RPS6KC1: variants seen among roughly 807,000 people sequenced by gnomAD.
RPS6KC1 encodes the protein inactive ribosomal protein S6 kinase delta-1.
A neutral mutation model predicts 103.8 loss-of-function variants in RPS6KC1; 54 were observed. The ratio of observed to expected loss-of-function variants is 0.52; its 90% CI spans 0.42 to 0.65. RPS6KC1 has a LOEUF of 0.65. Ranked by LOEUF, RPS6KC1 falls within the 30% of genes least tolerant of loss-of-function variation. RPS6KC1 has a pLI of 0.00. For missense variants in RPS6KC1, 1,151 were observed against 1,253.8 expected, an observed-to-expected ratio of 0.92 and a Z score of 1.24; for synonymous variants, 439 against 438.7, an observed-to-expected ratio of 1.00 and a Z score of -0.01.
chr1:213,399,915 G>A, the RPS6KC1 span, among the ~76,000 whole-genome samples: 2 of 152,236 alleles, frequency 1.3e-5, no homozygotes, highest in Admixed American at 1.3e-4. Flanking sequence ...GAGAGCTTTT[G>A]TTGTCACTCA....
intron 8 of RPS6KC1, among the ~76,000 whole-genome samples, chr1:213,206,326 G>A (rs977211893): frequency 8.5e-5 from 13 of 152,186 alleles, no homozygotes; most frequent in Admixed American, 8.5e-4. Context: ...TCTATCTACA[G>A]TGCCCCATTA....
At chr1:213,380,807 C>G in the RPS6KC1 span, among the ~76,000 whole-genome samples, 2 of 152,234 alleles carry the variant, frequency 1.3e-5, no homozygotes, top group South Asian at 2.1e-4. Context: ...TTTCCGCCAT[C>G]CGCAGCTCAC....
chr1:213,656,556 C>G, the RPS6KC1 span, among the ~76,000 whole-genome samples: 2 of 152,120 alleles, frequency 1.3e-5, no homozygotes, highest in African/African-American at 4.8e-5. Flanking sequence ...AAGAGTCAAA[C>G]AGAGACTGAC....
At chr1:213,279,823 C>T in the RPS6KC1 span, among the ~76,000 whole-genome samples, 1 of 152,188 alleles carries the variant, frequency 6.6e-6, no homozygotes, top group South Asian at 2.1e-4. Flanking sequence ...AAGTGATCCC[C>T]AGGTCATCAA....
intron 8 of RPS6KC1, 173 bp downstream of exon 8, chr1:213,176,665 C>A (rs555385551): frequency 4.7e-6 from 2 of 424,074 alleles, no homozygotes; most frequent in East Asian, 3.3e-5. Context: ...CTGAGCAATT[C>A]ATGTAAGGTC....
the RPS6KC1 span, among the ~76,000 whole-genome samples, chr1:213,411,764 C>A: frequency 6.6e-6 from 1 of 152,108 alleles, no homozygotes; most frequent in Non-Finnish European, 1.5e-5. Flanking sequence ...AAAATGGGTG[C>A]ATTTCTACAG....
chr1:213,834,579 ATAAAAT>A, the RPS6KC1 span, among the ~76,000 whole-genome samples: 5 of 152,190 alleles, frequency 3.3e-5, no homozygotes, highest in Non-Finnish European at 5.9e-5. Context: ...ACATTGCAAA[ATAAAAT>A]TAAAATATAT....
the RPS6KC1 span, among the ~76,000 whole-genome samples, chr1:213,592,256 G>A: frequency 6.6e-6 from 1 of 152,138 alleles, no homozygotes; most frequent in Non-Finnish European, 1.5e-5. Flanking sequence ...AGTTTTAGCT[G>A]CTTTTTTTGT....
At chr1:213,498,418 A>AATTTGG in the RPS6KC1 span, among the ~76,000 whole-genome samples, 197 of 152,268 alleles carry the variant, frequency 1.3e-3, no homozygotes, top group African/African-American at 4.4e-3. Context: ...AAAATTAAGC[A>AATTTGG]ATTTGTCCTA....
At chr1:213,412,433 C>T in the RPS6KC1 span, among the ~76,000 whole-genome samples, 1 of 152,212 alleles carries the variant, frequency 6.6e-6, no homozygotes, top group Non-Finnish European at 1.5e-5. Context: ...AGTTCCTGAC[C>T]ACCTTACGTC....
the RPS6KC1 span, among the ~76,000 whole-genome samples, chr1:213,728,922 C>A: frequency 7.5e-6 from 1 of 133,282 alleles, no homozygotes; most frequent in South Asian, 2.5e-4. Context: ...TTTCCTTATT[C>A]CCCAGAACAT....
chr1:213,848,819 T>C, the RPS6KC1 span, among the ~76,000 whole-genome samples: 3 of 152,182 alleles, frequency 2.0e-5, no homozygotes, highest in East Asian at 5.8e-4. Flanking sequence ...TATTTTGGTA[T>C]GAGGGAAGAA....
intron 14 of RPS6KC1, among the ~76,000 whole-genome samples, chr1:213,269,439 A>G (rs1439624181): frequency 1.3e-5 from 2 of 152,248 alleles, no homozygotes; most frequent in African/African-American, 4.8e-5. Context: ...ACTGACATGT[A>G]TAGAACACTT....
chr1:213,361,193 C>G, the RPS6KC1 span, among the ~76,000 whole-genome samples: 19 of 152,210 alleles, frequency 1.2e-4, no homozygotes, highest in Non-Finnish European at 2.6e-4. Context: ...CCTTGAGCTG[C>G]GGTGGGCTCC....
chr1:213,190,111 A>T (rs1012303482), intron 8 of RPS6KC1, among the ~76,000 whole-genome samples: 7 of 152,184 alleles, frequency 4.6e-5, no homozygotes, highest in African/African-American at 1.7e-4. Context: ...GCTGCAGTAA[A>T]CATGGGAGTG....
the RPS6KC1 span, among the ~76,000 whole-genome samples, chr1:213,668,065 C>T: frequency 3.9e-5 from 6 of 152,192 alleles, no homozygotes; most frequent in Non-Finnish European, 8.8e-5. Flanking sequence ...GAATCTACTT[C>T]TTCCAAACTC....
the RPS6KC1 span, among the ~76,000 whole-genome samples, chr1:213,789,968 A>G: frequency 5.9e-5 from 9 of 152,200 alleles, no homozygotes; most frequent in Non-Finnish European, 1.3e-4. Flanking sequence ...GTTTGTAACG[A>G]AAGAGGAACT....
the RPS6KC1 span, among the ~76,000 whole-genome samples, chr1:213,775,141 T>C: frequency 1.3e-5 from 2 of 152,310 alleles, no homozygotes; most frequent in East Asian, 3.8e-4. Context: ...AAGGGCAGTT[T>C]CTAATCAACA....
the RPS6KC1 span, among the ~76,000 whole-genome samples, chr1:213,282,468 T>C: frequency 6.6e-6 from 1 of 152,252 alleles, no homozygotes; most frequent in Non-Finnish European, 1.5e-5. Flanking sequence ...AGGCGCCTGC[T>C]TGGCACAGGG....
Sources: allele counts gnomAD v4.1 joint callset (sites outside exome capture counted in the v4.1 genomes callset), GRCh38; gene constraint gnomAD v4.1.1; transcripts MANE v1.5; gene names NCBI Gene and HGNC (gene_info 2026-07-23, HGNC 2026-07-21).